Variants in RAPGEF6 observed in about 807,000 individuals in gnomAD.
RAPGEF6 encodes PDZ domain containing guanine nucleotide exchange factor (GEF) 2.
Under a neutral mutation model 171.4 loss-of-function variants are expected in RAPGEF6, and 56 were observed. The observed-to-expected ratio is 0.33, with a 90% CI of 0.26 to 0.41. RAPGEF6 has a LOEUF of 0.41. RAPGEF6 is among the 10% of genes least tolerant of loss of function. RAPGEF6 has a pLI of 1.00. For synonymous variants in RAPGEF6, 692 were observed against 650.1 expected (o/e 1.06, Z -0.98); for missense variants, 1,674 against 1,921.4 (o/e 0.87, Z 2.41).
At chr5:131,528,240 C>CAT (rs1192373584) in intron 6 of RAPGEF6, among the ~76,000 whole-genome samples, 15 of 102,286 alleles carry the variant, frequency 1.5e-4, no homozygotes, top group Admixed American at 1.4e-3. Context: ...ATTTATATAT[C>CAT]ATATATATAA....
chr5:131,525,231 T>C (rs531380624), intron 6 of RAPGEF6, among the ~76,000 whole-genome samples: 1 of 152,286 alleles, frequency 6.6e-6, no homozygotes, highest in East Asian at 1.9e-4. Context: ...GAATGCATTT[T>C]CTTTTAGGGC....
intron 7 of RAPGEF6, 76 bp from the exon 8 acceptor site, chr5:131,510,567 T>C: frequency 7.5e-7 from 1 of 1,331,244 alleles, no homozygotes; most frequent in Non-Finnish European, 1.0e-6. Flanking sequence ...TAATCAAAAC[T>C]ACCCATCCCT....
chr5:131,571,853 A>G (rs1470760364), intron 4 of RAPGEF6, among the ~76,000 whole-genome samples: 6 of 152,014 alleles, frequency 3.9e-5, no homozygotes, highest in Admixed American at 3.3e-4. Context: ...CATTCCCGCC[A>G]CCACCGCCCC....
intron 16 of RAPGEF6, among the ~76,000 whole-genome samples, chr5:131,476,526 C>T (rs893748713): frequency 2.6e-5 from 4 of 152,128 alleles, no homozygotes; most frequent in Admixed American, 6.6e-5. Flanking sequence ...GTGGCACGAG[C>T]TTGGCTCGCC....
intron 21 of RAPGEF6, among the ~76,000 whole-genome samples, chr5:131,451,334 A>G (rs1224715839): frequency 6.6e-6 from 1 of 152,130 alleles, no homozygotes; most frequent in East Asian, 1.9e-4. Flanking sequence ...CTGTAATCCC[A>G]GCACTTTGGC....
intron 6 of RAPGEF6, among the ~76,000 whole-genome samples, chr5:131,544,683 T>A (rs905904804): frequency 2.9e-4 from 44 of 152,184 alleles, no homozygotes; most frequent in Admixed American, 9.8e-4. Context: ...AAATTTCATT[T>A]AAAAAAAATT....
intron 13 of RAPGEF6, 38 bp downstream of exon 13, chr5:131,495,515 A>C: frequency 2.0e-6 from 3 of 1,527,708 alleles, no homozygotes; most frequent in Non-Finnish European, 2.7e-6. Context: ...AGGGGGGACC[A>C]CTACACTCTG....
At chr5:131,437,832 A>G (rs974644140) in intron 24 of RAPGEF6, among the ~76,000 whole-genome samples, 3 of 152,232 alleles carry the variant, frequency 2.0e-5, no homozygotes, top group African/African-American at 7.2e-5. Flanking sequence ...GAGAAAGAAA[A>G]GAGACATTCC....
intron 6 of RAPGEF6, among the ~76,000 whole-genome samples, chr5:131,533,607 T>C (rs1003246714): frequency 6.6e-6 from 1 of 152,058 alleles, no homozygotes; most frequent in Non-Finnish European, 1.5e-5. Context: ...CTAAGATTTG[T>C]AGGTAGATAG....
At chr5:131,496,251 T>TGA (rs1474882607) in intron 12 of RAPGEF6, among the ~76,000 whole-genome samples, 2 of 152,206 alleles carry the variant, frequency 1.3e-5, no homozygotes, top group African/African-American at 4.8e-5. Flanking sequence ...ATTTTCAAAC[T>TGA]GCAGAATCGT....
At chr5:131,511,477 T>A (rs950264386) in intron 7 of RAPGEF6, among the ~76,000 whole-genome samples, 2 of 122,378 alleles carry the variant, frequency 1.6e-5, no homozygotes, top group African/African-American at 6.1e-5. Context: ...GCCAAAAAGA[T>A]CATCTTTTTT....
chr5:131,558,331 G>A (rs886098340), intron 5 of RAPGEF6, among the ~76,000 whole-genome samples: 9 of 151,476 alleles, frequency 5.9e-5, no homozygotes, highest in African/African-American at 2.2e-4. Context: ...GATCGTAGTA[G>A]TGAATCCTTT....
Position 131,504,463 on chromosome 5 carries a change from A to C in RAPGEF6, c.1254+163T>G, listed in dbSNP as rs184340640. Among the ~76,000 whole-genome samples, 577 of 148,572 alleles carry C rather than the reference A, an allele frequency of 3.9e-3. 4 individuals are homozygous for C. Among genetic ancestry groups the C allele is most frequent in the African/African-American group, 0.013 (536 of 41,174 alleles). On this transcript the variant is annotated intron_variant, in intron 11 of 27. Coordinates refer to ENST00000509018, the MANE Select transcript of RAPGEF6 (RefSeq NM_016340.6). ...GGCAACAGAGTGAGACTCCATCACA[A>C]AAAAAAAAAAAATTTTAGAGAAAGA...
chr5:131,617,451 C>T (rs1040523113), intron 1 of RAPGEF6, among the ~76,000 whole-genome samples: 2 of 152,178 alleles, frequency 1.3e-5, no homozygotes, highest in Non-Finnish European at 2.9e-5. Flanking sequence ...TATCTCTGAA[C>T]ACAAACGATT....
At chr5:131,615,649 C>T (rs1321836774) in intron 1 of RAPGEF6, among the ~76,000 whole-genome samples, 6 of 152,098 alleles carry the variant, frequency 3.9e-5, no homozygotes, top group East Asian at 1.9e-4. Flanking sequence ...ACCTATAATC[C>T]CAGCACTTTG....
intron 7 of RAPGEF6, among the ~76,000 whole-genome samples, chr5:131,512,141 T>A (rs1391412243): frequency 6.6e-6 from 1 of 152,018 alleles, no homozygotes; most frequent in Non-Finnish European, 1.5e-5. Flanking sequence ...AAACAGAGCA[T>A]GCAGGGCAGA....
chr5:131,447,835 A>G (rs1309506820), intron 21 of RAPGEF6, among the ~76,000 whole-genome samples: 2 of 152,198 alleles, frequency 1.3e-5, no homozygotes, highest in South Asian at 4.1e-4. Context: ...CAATAGGGGT[A>G]TATCTTACAC....
Position 131,472,426 on chromosome 5 carries a change from A to G in RAPGEF6, c.2239+161T>C, listed in dbSNP as rs182448627. 9.1e-3 allele frequency: 7,673 copies of G among 840,032 alleles called. 41 individuals are homozygous for G. Among genetic ancestry groups the G allele is most frequent in the Non-Finnish European group, 0.011 (5,449 of 507,822 alleles). The allele number at this position is 840,032 out of a possible 1,614,324, so 52.0% of individuals were successfully genotyped here. Reference sequence around the variant, plus strand: ...TTCACTTTAGAGGAAGTACCATTCAAATTAACAGAACAAGTCAATCTCCCT... The same window carrying G: ...TTCACTTTAGAGGAAGTACCATTCAGATTAACAGAACAAGTCAATCTCCCT... On this transcript the variant is annotated intron_variant, in intron 17 of 27. Coordinates refer to ENST00000509018, the MANE Select transcript of RAPGEF6 (RefSeq NM_016340.6).
At chr5:131,552,340 A>G (rs1439402010) in intron 5 of RAPGEF6, among the ~76,000 whole-genome samples, 1 of 152,152 alleles carries the variant, frequency 6.6e-6, no homozygotes, top group African/African-American at 2.4e-5. Flanking sequence ...GGCATCCTTC[A>G]TCCAGATCTG....
Sources: gnomAD v4.1 joint callset for allele counts (sites outside exome capture counted in the v4.1 genomes callset) on GRCh38, gnomAD v4.1.1 for gene constraint, MANE v1.5 for transcripts, NCBI Gene and HGNC (gene_info 2026-07-23, HGNC 2026-07-21) for gene names.